Variants in PAPPA observed in about 807,000 individuals in gnomAD.
PAPPA encodes pappalysin-1.
A neutral mutation model predicts 164.0 loss-of-function variants in PAPPA; 60 were observed. The observed-to-expected ratio is 0.37, with a 90% CI of 0.30 to 0.45. PAPPA has a LOEUF of 0.45. Among genes scored for constraint, PAPPA ranks in the 20% least tolerant of loss-of-function variants. The pLI is 1.00. For synonymous variants in PAPPA, 875 were observed against 814.1 expected, an observed-to-expected ratio of 1.07 and a Z score of -1.27; for missense variants, 1,782 against 2,087.3, an observed-to-expected ratio of 0.85 and a Z score of 2.85.
chr9:116,392,000 G>A (rs1459542597), intron 21 of PAPPA, among the ~76,000 whole-genome samples: 3 of 152,114 alleles, frequency 2.0e-5, no homozygotes, highest in Non-Finnish European at 2.9e-5. Context: ...CTGCTCTGCC[G>A]TCCTCCTGGG....
At chr9:116,313,775 T>C (rs1049802091) in intron 10 of PAPPA, among the ~76,000 whole-genome samples, 3 of 152,104 alleles carry the variant, frequency 2.0e-5, no homozygotes, top group Non-Finnish European at 4.4e-5. Flanking sequence ...AACTAATTGG[T>C]TTAATTTTAA....
intron 7 of PAPPA, among the ~76,000 whole-genome samples, chr9:116,250,434 A>C (rs1375454247): frequency 1.3e-5 from 2 of 152,330 alleles, no homozygotes; most frequent in East Asian, 3.9e-4. Context: ...AGCTGGACTC[A>C]GCCATTAATT....
At chr9:116,180,317 G>A (rs1207258581) in intron 1 of PAPPA, among the ~76,000 whole-genome samples, 2 of 152,092 alleles carry the variant, frequency 1.3e-5, no homozygotes, top group Admixed American at 1.3e-4. Context: ...ACCATGGAAA[G>A]CATCTTGGTG....
intron 20 of PAPPA, among the ~76,000 whole-genome samples, chr9:116,379,997 C>A (rs1169637228): frequency 6.6e-6 from 1 of 152,202 alleles, no homozygotes; most frequent in Non-Finnish European, 1.5e-5. Flanking sequence ...TCCTACTCAT[C>A]TTTATGATCT....
At chr9:116,379,871 T>C (rs1230609348) in intron 20 of PAPPA, among the ~76,000 whole-genome samples, 2 of 152,158 alleles carry the variant, frequency 1.3e-5, no homozygotes, top group Non-Finnish European at 2.9e-5. Context: ...GCGTTACTAG[T>C]AGAAGGAGCA....
intron 2 of PAPPA, among the ~76,000 whole-genome samples, chr9:116,190,623 A>G (rs1359006887): frequency 6.6e-6 from 1 of 152,208 alleles, no homozygotes. Context: ...TTGGGGAAAA[A>G]AACTGTGTAT....
intron 4 of PAPPA, among the ~76,000 whole-genome samples, chr9:116,214,021 C>G (rs1386629890): frequency 6.6e-6 from 1 of 152,170 alleles, no homozygotes; most frequent in Admixed American, 6.5e-5. Context: ...CTGGGTGCTT[C>G]TTCCTCAGGC....
intron 10 of PAPPA, among the ~76,000 whole-genome samples, chr9:116,324,131 A>G (rs4838003): frequency 0.92 from 140,611 of 152,232 alleles, 65,859 homozygotes; most frequent in East Asian, 1. Flanking sequence ...CTATTCTCTT[A>G]TTTAAAAATC....
chr9:116,220,579 A>G (rs1245531543), intron 5 of PAPPA, among the ~76,000 whole-genome samples: 1 of 151,392 alleles, frequency 6.6e-6, no homozygotes, highest in Non-Finnish European at 1.5e-5. Flanking sequence ...ATATAAGTAC[A>G]TATTTACATA....
intron 17 of PAPPA, 119 bp from the exon 18 acceptor site, chr9:116,362,473 T>G: frequency 9.5e-7 from 1 of 1,057,922 alleles, no homozygotes; most frequent in African/African-American, 1.6e-5. Context: ...TAAGAAATTG[T>G]TTTGGAACAC....
intron 17 of PAPPA, among the ~76,000 whole-genome samples, chr9:116,360,692 A>G (rs866472537): frequency 6.6e-6 from 1 of 152,094 alleles, no homozygotes; most frequent in Non-Finnish European, 1.5e-5. Context: ...CTCTCCACCA[A>G]TTCACCCCAT....
chr9:116,330,102 G>A (rs1845970273), intron 10 of PAPPA, among the ~76,000 whole-genome samples: 1 of 152,012 alleles, frequency 6.6e-6, no homozygotes, highest in Non-Finnish European at 1.5e-5. Flanking sequence ...AGATCCTCAG[G>A]GCTCTCCAGG....
At chr9:116,237,627 C>G (rs185207598) in intron 7 of PAPPA, among the ~76,000 whole-genome samples, 2 of 152,240 alleles carry the variant, frequency 1.3e-5, no homozygotes, top group South Asian at 2.1e-4. Context: ...CTAACTGGCT[C>G]TACCCTCTTA....
chr9:116,274,939 G>T (rs539264676), intron 9 of PAPPA, among the ~76,000 whole-genome samples: 1 of 152,222 alleles, frequency 6.6e-6, no homozygotes, highest in South Asian at 2.1e-4. Flanking sequence ...AGGATGGTGG[G>T]AGTAGCCACA....
intron 1 of PAPPA, among the ~76,000 whole-genome samples, chr9:116,162,674 G>A (rs1378468654): frequency 6.6e-6 from 1 of 152,192 alleles, no homozygotes. Context: ...GGGCCTCCAT[G>A]TGGAAAATGC....
intron 19 of PAPPA, among the ~76,000 whole-genome samples, chr9:116,374,188 G>A (rs200033426): frequency 1.4e-3 from 154 of 108,348 alleles, no homozygotes; most frequent in East Asian, 6.0e-3. Context: ...GATGATGGTG[G>A]TGATGATGAT....
chr9:116,230,118 C>T (rs893527339), intron 6 of PAPPA, among the ~76,000 whole-genome samples: 1 of 152,140 alleles, frequency 6.6e-6, no homozygotes, highest in African/African-American at 2.4e-5. Context: ...TCCAAGGAAA[C>T]CCAGCAGCCT....
At chr9:116,326,638 A>G (rs973067425) in intron 10 of PAPPA, among the ~76,000 whole-genome samples, 3 of 152,212 alleles carry the variant, frequency 2.0e-5, no homozygotes, top group African/African-American at 7.2e-5. Context: ...TGTATGGTAC[A>G]GTATTGTTCA....
At chr9:116,333,174 G>A (rs1343109069) in intron 12 of PAPPA, among the ~76,000 whole-genome samples, 1 of 152,108 alleles carries the variant, frequency 6.6e-6, no homozygotes, top group East Asian at 1.9e-4. Flanking sequence ...GCTGAGGTTT[G>A]GATCCTGTCC....
Sources: allele counts gnomAD v4.1 joint callset (sites outside exome capture counted in the v4.1 genomes callset), GRCh38; gene constraint gnomAD v4.1.1; transcripts MANE v1.5; gene names NCBI Gene and HGNC (gene_info 2026-07-23, HGNC 2026-07-21).